The following MAOB variants were observed in gnomAD, a reference collection of about 807,000 sequenced individuals.
MAOB encodes amine oxidase [flavin-containing] B.
Under a neutral mutation model 41.9 loss-of-function variants are expected in MAOB, and 15 were observed. That is an observed-to-expected ratio of 0.36 (90% CI 0.24 to 0.55). The LOEUF (loss-of-function observed/expected upper bound fraction) is 0.55, where lower values mean the gene tolerates loss of function less well. MAOB is among the 20% of genes least tolerant of loss of function. The pLI is 0.86. For synonymous variants in MAOB, 167 were observed against 144.2 expected, an observed-to-expected ratio of 1.16 and a Z score of -1.13; for missense variants, 345 against 398.7, an observed-to-expected ratio of 0.87 and a Z score of 1.15.
intron 2 of MAOB, 103 bp from the exon 3 acceptor site, chrX:43,839,108 T>TA (rs1161389187): frequency 1.5e-5 from 9 of 597,345 alleles, no homozygotes; most frequent in African/African-American, 2.3e-5. Context: ...AAGTTATAGA[T>TA]ACAGCTTAAG....
intron 1 of MAOB, among the ~76,000 whole-genome samples, chrX:43,857,106 TATATATATATAGAGAG>T (rs1433518438): frequency 8.2e-5 from 2 of 24,479 alleles, no homozygotes; most frequent in Non-Finnish European, 6.6e-5. Context: ...TATATATATA[TATATATATATAGAGAG>T]AGAGAGAGAG....
At position 43,812,005 on chromosome X, in the gene MAOB, C is replaced by A. The variant is rs779417564; in HGVS notation, c.280-8601G>T. Among the ~76,000 whole-genome samples, 144 of 111,643 alleles carry A rather than the reference C, an allele frequency of 1.3e-3. 2 individuals carry two copies. Among genetic ancestry groups the A allele is most frequent in the Admixed American group, 4.4e-3 (46 of 10,523 alleles). ...CTCCCACCAACATTCTACTATCCTTCCCAGCCTCTGGTAAGCATCCTCTAC... is the reference window on the plus strand; with the variant it reads ...CTCCCACCAACATTCTACTATCCTTACCAGCCTCTGGTAAGCATCCTCTAC... On this transcript the variant is annotated intron_variant, in intron 3 of 14. Transcript: ENST00000378069.
In MAOB at chrX:43,813,415, C is replaced by G. The variant is rs753945989; in HGVS notation, c.280-10011G>C. 4.6e-4 allele frequency among the ~76,000 whole-genome samples: 52 copies of G among 112,133 alleles called. 1 individual carries two copies. The highest frequency in any genetic ancestry group is 4.2e-3 in the Admixed American group (45 of 10,600). ...ACCTCAGATTTGTGTAGGTAGAGCT[C>G]ACGTTCTTTCTTCTTAAACAGCTTT... On this transcript the variant is annotated intron_variant, in intron 3 of 14. Transcript: ENST00000378069.
intron 4 of MAOB, among the ~76,000 whole-genome samples, chrX:43,802,796 G>A (rs1023671926): frequency 2.7e-5 from 3 of 110,204 alleles, no homozygotes; most frequent in African/African-American, 6.6e-5. Flanking sequence ...GGGGGCAAGG[G>A]GAGGGAGAGC....
At chrX:43,798,734 A>C (rs1457492540) in intron 5 of MAOB, among the ~76,000 whole-genome samples, 1 of 111,607 alleles carries the variant, frequency 9.0e-6, no homozygotes, top group African/African-American at 3.3e-5. Context: ...CTGAGGCAGC[A>C]TTTTCCACCT....
At chrX:43,808,156 A>G (rs2034692564) in intron 3 of MAOB, among the ~76,000 whole-genome samples, 1 of 111,693 alleles carries the variant, frequency 9.0e-6, no homozygotes, top group Admixed American at 9.5e-5. Flanking sequence ...ATCCTTCTGC[A>G]CTATCAGTGT....
chrX:43,767,511 A>G lies in MAOB; in HGVS notation c.1518T>C (p.Ala506=). 1 of 1,210,857 alleles carries G rather than the reference A, an allele frequency of 8.3e-7. No individual in the cohort carries two copies. The highest frequency in any genetic ancestry group is 1.1e-6 in the Non-Finnish European group (1 of 895,215). The change falls in exon 15 of 15, where the codon GCT becomes GCC. Residue 506 remains alanine, a synonymous_variant. Coordinates refer to ENST00000378069, the MANE Select transcript of MAOB (RefSeq NM_000898.5). ...CCCTTTTGTGGGCCAGGAAGCCAAG[A>G]GCCGTTGCTGAAAAGATGGTGGTCA... ...IGLTTIFSAT[A]LGFLAHKRGL... is the part of the protein sequence containing the mutation.
At chrX:43,833,308 G>C (rs181738240) in intron 3 of MAOB, among the ~76,000 whole-genome samples, 2 of 111,205 alleles carry the variant, frequency 1.8e-5, no homozygotes, top group East Asian at 5.6e-4. Flanking sequence ...GGTGGTTGCA[G>C]AGGCCAAGAG....
intron 3 of MAOB, among the ~76,000 whole-genome samples, chrX:43,832,772 C>T (rs963682128): frequency 2.0e-4 from 22 of 111,409 alleles, no homozygotes; most frequent in African/African-American, 6.8e-4. Context: ...CTGACCTCCA[C>T]ATTGTCCAAG....
In MAOB at chrX:43,795,746, A is replaced by G. The variant is rs757880326; in HGVS notation, c.761T>C (p.Met254Thr). ...NVLVETLNHEMYEAKYVISAI... is the reference protein window; with the variant it reads ...NVLVETLNHETYEAKYVISAI... Reference sequence around the variant, plus strand: ...TCACAATATCACAGTTACCTCATACATCTCATGGTTTAGGGTCTCCACAAG... The same window carrying G: ...TCACAATATCACAGTTACCTCATACGTCTCATGGTTTAGGGTCTCCACAAG... The change falls in exon 7 of 15, where the codon ATG becomes ACG. Residue 254 changes from methionine (M) to threonine (T), a missense_variant. By Grantham distance (81) the Met-to-Thr change is moderately conservative (BLOSUM62 -1). Transcript: ENST00000378069. The G allele has an allele frequency of 5.8e-6, 7 of 1,197,334 alleles. No individual in the cohort carries two copies. The African/African-American group carries it at 1.1e-4, about 18-fold the overall frequency.
chrX:43,801,127 T>C (rs1484644615), intron 5 of MAOB, among the ~76,000 whole-genome samples: 1 of 94,449 alleles, frequency 1.1e-5, no homozygotes, highest in East Asian at 3.1e-4. Context: ...CTCTCTCTTC[T>C]TTTTTTTTTT....
At chrX:43,806,524 C>T (rs1241175915) in intron 3 of MAOB, among the ~76,000 whole-genome samples, 1 of 111,211 alleles carries the variant, frequency 9.0e-6, no homozygotes, top group South Asian at 3.8e-4. Context: ...TGACTTATCA[C>T]GGATGATGTT....
chrX:43,786,827 T>G (rs1401801274), intron 8 of MAOB, among the ~76,000 whole-genome samples: 1 of 110,575 alleles, frequency 9.0e-6, no homozygotes, highest in Non-Finnish European at 1.9e-5. Context: ...GTCAAGTGAG[T>G]GCACTTAATG....
At chrX:43,873,096 A>C (rs1482476358) in intron 1 of MAOB, among the ~76,000 whole-genome samples, 1 of 112,159 alleles carries the variant, frequency 8.9e-6, no homozygotes, top group Non-Finnish European at 1.9e-5. Context: ...TTAATTCTTA[A>C]CTTTATCCTT....
intron 1 of MAOB, among the ~76,000 whole-genome samples, chrX:43,854,333 A>G (rs916179565): frequency 8.9e-6 from 1 of 112,646 alleles, no homozygotes; most frequent in Non-Finnish European, 1.9e-5. Context: ...CTGTGCAGCC[A>G]TAAAAACAAT....
chrX:43,773,776 C>T (rs925990821), intron 12 of MAOB, among the ~76,000 whole-genome samples: 3 of 111,908 alleles, frequency 2.7e-5, no homozygotes, highest in African/African-American at 6.5e-5. Flanking sequence ...CTGCCATCGA[C>T]GTAAGATGTG....
chrX:43,822,610 A>G (rs996666777), intron 3 of MAOB, among the ~76,000 whole-genome samples: 7 of 112,197 alleles, frequency 6.2e-5, no homozygotes, highest in Non-Finnish European at 9.4e-5. Context: ...TTCAAACTTT[A>G]CCAACTGGAC....
At chrX:43,804,236 C>CT (rs2034634395) in intron 3 of MAOB, among the ~76,000 whole-genome samples, 1 of 111,370 alleles carries the variant, frequency 9.0e-6, no homozygotes, top group Admixed American at 9.6e-5. Context: ...CCCCAAAACT[C>CT]TGAGTCATTC....
chrX:43,851,688 G>A (rs2035253373), intron 1 of MAOB, among the ~76,000 whole-genome samples: 1 of 111,672 alleles, frequency 9.0e-6, no homozygotes, highest in Non-Finnish European at 1.9e-5. Flanking sequence ...CAAATGTTAT[G>A]AAGAGGGTTA....
Sources: gnomAD v4.1 joint callset for allele counts (sites outside exome capture counted in the v4.1 genomes callset) on GRCh38, gnomAD v4.1.1 for gene constraint, MANE v1.5 for transcripts, NCBI Gene and HGNC (gene_info 2026-07-23, HGNC 2026-07-21) for gene names.